The following CYB561D2 variants were observed in gnomAD, a reference collection of about 807,000 sequenced individuals.
CYB561D2 encodes transmembrane reductase CYB561D2.
A neutral mutation model predicts 20.2 loss-of-function variants in CYB561D2; 16 were observed. The ratio of observed to expected loss-of-function variants is 0.79; its 90% CI spans 0.53 to 1.20. The LOEUF (loss-of-function observed/expected upper bound fraction) is 1.20. CYB561D2 is among the 50% of genes most tolerant of loss of function. The pLI, the probability that CYB561D2 is intolerant of heterozygous loss-of-function variation, is 0.00. For missense variants in CYB561D2, 247 were observed against 270.3 expected, an observed-to-expected ratio of 0.91 and a Z score of 0.60; for synonymous variants, 135 against 128.3, an observed-to-expected ratio of 1.05 and a Z score of -0.35.
chr3:50,350,923 C>G lies in CYB561D2; in HGVS notation c.-87C>G. Reference sequence around the variant, plus strand: ...GAGCGGCGGTGCGCGCGGCAGGGCCCGGAGTATCCCGCTTTCTTTGGAGGA... The same window carrying G: ...GAGCGGCGGTGCGCGCGGCAGGGCCGGGAGTATCCCGCTTTCTTTGGAGGA... On this transcript the variant is annotated 5_prime_UTR_variant, in exon 1 of 4. Coordinates refer to ENST00000425346, the MANE Select transcript of CYB561D2 (RefSeq NM_001291284.2). The surrounding 1 kb of genome is among the most constrained non-coding windows in gnomAD (Gnocchi z 5.7). 7.2e-7 allele frequency: 1 copy of G among 1,381,310 alleles called. No homozygotes were observed. Among genetic ancestry groups the G allele is most frequent in the East Asian group, 2.8e-5 (1 of 35,802 alleles). The allele number at this position is 1,381,310 out of a possible 1,614,324, so 85.6% of individuals were successfully genotyped here.
chr3:50,352,449 T>C (rs1490116628), intron 3 of CYB561D2, among the ~76,000 whole-genome samples: 5 of 140,630 alleles, frequency 3.6e-5, no homozygotes, highest in African/African-American at 1.4e-4. Flanking sequence ...CACTGCACTC[T>C]AACCTCTAAC....
chr3:50,350,965 C>T lies in CYB561D2; in HGVS notation c.-45C>T. 3 of 1,274,578 alleles carry T rather than the reference C, an allele frequency of 2.4e-6. No individual in the cohort carries two copies. Among genetic ancestry groups the T allele is most frequent in the Non-Finnish European group, 3.0e-6 (3 of 989,942 alleles). 79.0% of individuals were successfully genotyped at this position (1,274,578 alleles called of 1,614,324 possible). A position where few individuals can be genotyped will look rare whatever the true frequency, so the allele number is the denominator to read the frequency against. On this transcript the variant is annotated 5_prime_UTR_variant, in exon 1 of 4. Coordinates refer to ENST00000425346, the MANE Select transcript of CYB561D2 (RefSeq NM_001291284.2). The surrounding 1 kb of genome is among the most constrained non-coding windows in gnomAD (Gnocchi z 5.7). ...TTTGGAGGAAACCACCGCATCAGATCTGCGCTGCGGCAGAGGCAGGCAAGT... is the reference window on the plus strand; with the variant it reads ...TTTGGAGGAAACCACCGCATCAGATTTGCGCTGCGGCAGAGGCAGGCAAGT...
In CYB561D2 at chr3:50,353,513, G is replaced by A; in HGVS notation, c.438G>A (p.Leu146=). ...GGGTGGGGCTGCTCTACCCCAAGCT[G>A]CTGCCCCGATGGCCCCTGGCGAAGC... The part of the protein sequence containing the change: ...SGGVGLLYPK[L]LPRWPLAKLK... Residue 146 remains leucine (L), a synonymous_variant, in exon 4 of 4, where the codon CTG becomes CTA. Transcript: ENST00000425346. 1 of 1,613,598 alleles carries A rather than the reference G, an allele frequency of 6.2e-7. No homozygotes were observed. The highest frequency in any genetic ancestry group is 8.5e-7 in the Non-Finnish European group (1 of 1,180,036).
At position 50,353,780 on chromosome 3, in the gene CYB561D2, C is replaced by T. The variant is rs768116906; in HGVS notation, c.*36C>T. Reference sequence around the variant, plus strand: ...GCCTAGGGGAAGCCTGGATTTGCCCCTCCATGTAGGAGCTGGGCCTAGGGA... The same window carrying T: ...GCCTAGGGGAAGCCTGGATTTGCCCTTCCATGTAGGAGCTGGGCCTAGGGA... On this transcript the variant is annotated 3_prime_UTR_variant, in exon 4 of 4. Transcript: ENST00000425346. 6.4e-7 allele frequency: 1 copy of T among 1,554,886 alleles called. No individual in the cohort carries two copies. Among genetic ancestry groups the T allele is most frequent in the Non-Finnish European group, 8.7e-7 (1 of 1,147,804 alleles).
chr3:50,352,437 G>A (rs1332427260), intron 3 of CYB561D2, among the ~76,000 whole-genome samples: 5 of 148,346 alleles, frequency 3.4e-5, no homozygotes, highest in African/African-American at 7.5e-5. Flanking sequence ...CCAAGATTGC[G>A]CCACTGCACT....
At chr3:50,353,210 C>T in intron 3 of CYB561D2, 31 bp from the exon 4 acceptor site, 6 of 1,534,376 alleles carry the variant, frequency 3.9e-6, no homozygotes, top group Non-Finnish European at 5.3e-6. Context: ...GCAGCACCCT[C>T]ACTTGAGCTT....
rs1269070518 is a variant in CYB561D2 at position 50,351,470 on chromosome 3, C to G, written c.37C>G (p.Arg13Gly). 1.2e-6 allele frequency: 2 copies of G among 1,613,768 alleles called. No individual in the cohort carries two copies. Among genetic ancestry groups the G allele is most frequent in the Non-Finnish European group, 1.7e-6 (2 of 1,179,986 alleles). ...TGCGGAGACCGAGTCACACATCTAC[C>G]GAGCTCTGCGTACTGCTTCTGGCGC... ...LSAETESHIY[R>G]ALRTASGAAA... is the part of the protein sequence containing the mutation. Residue 13 changes from arginine to glycine, a missense_variant, in exon 2 of 4, where the codon CGA (arginine) becomes GGA (glycine). Arg to Gly is a moderately radical substitution (Grantham distance 125). Transcript: ENST00000425346.
intron 1 of CYB561D2, 179 bp downstream of exon 1, chr3:50,351,163 C>A (rs587707927): frequency 3.3e-5 from 17 of 511,500 alleles, no homozygotes; most frequent in African/African-American, 3.3e-4. Context: ...TGTAGTCTTA[C>A]ATGGCTTTGC....
chr3:50,351,385 T>A (rs1383432415), intron 1 of CYB561D2, 24 bp from the exon 2 acceptor site: 1 of 1,594,144 alleles, frequency 6.3e-7, no homozygotes, highest in Admixed American at 1.7e-5. Context: ...CCTGAGATCC[T>A]GGCCCACGCT....
chr3:50,351,215 A>G, intron 1 of CYB561D2, 194 bp from the exon 2 acceptor site: 1 of 605,530 alleles, frequency 1.7e-6, no homozygotes, highest in Non-Finnish European at 2.7e-6. Context: ...GTACCAGTTC[A>G]GACATGGGTA....
chr3:50,350,997 C>T lies in CYB561D2; in HGVS notation c.-26+13C>T. On this transcript the variant is annotated intron_variant, in intron 1 of 3. Transcript: ENST00000425346. This position sits in a 1 kb window ranked among gnomAD's most constrained non-coding sequence, Gnocchi z 5.7. ...GCGGCAGAGGCAGGCAAGTCCCTAG[C>T]GTGGAGGGGCAGCATGCTGGCAGCA... The T allele has an allele frequency of 1.0e-6, 1 of 979,816 alleles. No homozygotes were observed. Among genetic ancestry groups the T allele is most frequent in the Non-Finnish European group, 1.4e-6 (1 of 738,626 alleles). 60.7% of individuals were successfully genotyped at this position (979,816 alleles called of 1,614,324 possible).
chr3:50,351,481 T>C lies in CYB561D2; in HGVS notation c.48T>C (p.Arg16=). The stretch of plus-strand genomic sequence containing the variant: ...AGTCACACATCTACCGAGCTCTGCG[T>C]ACTGCTTCTGGCGCTGCCGCCCACC... ...ETESHIYRAL[R]TASGAAAHLV... The change falls in exon 2 of 4, where the codon CGT becomes CGC. Residue 16 remains arginine (R), a synonymous_variant. Transcript: ENST00000425346. The C allele has an allele frequency of 6.2e-7, 1 of 1,613,828 alleles. No individual in the cohort carries two copies. The highest frequency in any genetic ancestry group is 8.5e-7 in the Non-Finnish European group (1 of 1,180,000).
chr3:50,353,221 C>T lies in CYB561D2; in HGVS notation c.166-20C>T, dbSNP rs779733656. 4.5e-6 allele frequency: 7 copies of T among 1,539,416 alleles called. No individual in the cohort carries two copies. The highest frequency in any genetic ancestry group is 5.3e-6 in the Non-Finnish European group (6 of 1,138,542). The stretch of plus-strand genomic sequence containing the variant: ...TGGGGCAGCACCCTCACTTGAGCTT[C>T]CCATCCCCTGTTTCCTCAGTTCTCC... On this transcript the variant is annotated intron_variant, in intron 3 of 3. Transcript: ENST00000425346.
At position 50,353,572 on chromosome 3, in the gene CYB561D2, G is replaced by A; in HGVS notation, c.497G>A (p.Gly166Asp). Residue 166 changes from glycine to aspartate, a missense_variant, in exon 4 of 4, where the codon GGC (glycine) becomes GAC (aspartate). Transcript: ENST00000425346. The part of the protein sequence containing the change: ...KLYHATSGLV[G>D]YLLGSASLLL... ...TACCATGCTACTTCTGGGCTGGTGGGCTACCTGCTGGGTAGTGCCAGCCTC... is the reference window on the plus strand; with the variant it reads ...TACCATGCTACTTCTGGGCTGGTGGACTACCTGCTGGGTAGTGCCAGCCTC... The A allele has an allele frequency of 6.2e-7, 1 of 1,613,766 alleles. No individual in the cohort carries two copies. Among genetic ancestry groups the A allele is most frequent in the Non-Finnish European group, 8.5e-7 (1 of 1,180,040 alleles).
chr3:50,353,466 G>A lies in CYB561D2; in HGVS notation c.391G>A (p.Ala131Thr), dbSNP rs199640709. ...GQAGLLAVLWAGLQCSGGVGL... is the reference protein window; with the variant it reads ...GQAGLLAVLWTGLQCSGGVGL... Reference sequence around the variant, plus strand: ...GGCAGGGCTGCTGGCTGTGCTGTGGGCAGGGCTGCAGTGCTCAGGTGGGGT... The same window carrying A: ...GGCAGGGCTGCTGGCTGTGCTGTGGACAGGGCTGCAGTGCTCAGGTGGGGT... Residue 131 changes from alanine (A) to threonine (T), a missense_variant, in exon 4 of 4, where the codon GCA becomes ACA. Transcript: ENST00000425346. The A allele has an allele frequency of 5.2e-5, 84 of 1,613,150 alleles. No homozygotes were observed. Among genetic ancestry groups the A allele is most frequent in the Non-Finnish European group, 6.9e-5 (81 of 1,179,980 alleles).
At chr3:50,352,161 C>T in intron 3 of CYB561D2, 115 bp downstream of exon 3, 1 of 1,213,806 alleles carries the variant, frequency 8.2e-7, no homozygotes, top group Non-Finnish European at 1.2e-6. Context: ...GTTGCATGCT[C>T]CAACTACTCC....
Position 50,353,386 on chromosome 3 carries a change from T to G in CYB561D2, c.311T>G (p.Val104Gly). Residue 104 changes from valine to glycine, a missense_variant, in exon 4 of 4, where the codon GTC becomes GGC. Physicochemically the swap from Val to Gly is moderately radical, Grantham distance 109 (BLOSUM62 -3). Transcript: ENST00000425346. ...LLCALLGLGL[V>G]ILHKEQLGKA... is the part of the protein sequence containing the mutation. ...TGTGCACTGCTGGGCCTCGGCCTTG[T>G]CATCCTCCACAAAGAGCAGCTTGGC... 1 of 1,613,474 alleles carries G rather than the reference T, an allele frequency of 6.2e-7. No homozygotes were observed. The highest frequency in any genetic ancestry group is 8.5e-7 in the Non-Finnish European group (1 of 1,180,020).
At chr3:50,353,130 GA>G in intron 3 of CYB561D2, 110 bp from the exon 4 acceptor site, 1 of 1,444,560 alleles carries the variant, frequency 6.9e-7, no homozygotes. Context: ...GGGAGAGAAA[GA>G]AAAAGGGGAA....
At chr3:50,353,063 A>G (rs1703808709) in intron 3 of CYB561D2, among the ~76,000 whole-genome samples, 178 bp from the exon 4 acceptor site, 1 of 152,200 alleles carries the variant, frequency 6.6e-6, no homozygotes, top group Non-Finnish European at 1.5e-5. Context: ...GGGCACATAT[A>G]TCATCCCAGA....
Sources: allele counts gnomAD v4.1 joint callset (sites outside exome capture counted in the v4.1 genomes callset), GRCh38; gene constraint gnomAD v4.1.1; non-coding constraint Gnocchi (gnomAD v3.1); transcripts MANE v1.5; gene names NCBI Gene and HGNC (gene_info 2026-07-23, HGNC 2026-07-21).